Variants in GRID1 observed in about 807,000 individuals in gnomAD.
GRID1 encodes the protein glutamate receptor ionotropic, delta-1.
Under a neutral mutation model 98.0 loss-of-function variants are expected in GRID1, and 28 were observed. The ratio of observed to expected loss-of-function variants is 0.29; its 90% CI spans 0.21 to 0.39. The LOEUF (loss-of-function observed/expected upper bound fraction) is 0.39, where lower values mean the gene tolerates loss of function less well. Ranked by LOEUF, GRID1 falls within the 10% of genes least tolerant of loss-of-function variation. The pLI is 1.00. For missense variants in GRID1, 1,111 were observed against 1,340.5 expected, an observed-to-expected ratio of 0.83 and a Z score of 2.67; for synonymous variants, 553 against 538.5, an observed-to-expected ratio of 1.03 and a Z score of -0.37.
intron 2 of GRID1, among the ~76,000 whole-genome samples, chr10:86,251,809 C>T (rs1846838233): frequency 6.6e-6 from 1 of 152,080 alleles, no homozygotes; most frequent in African/African-American, 2.4e-5. Flanking sequence ...TCTAAAAACA[C>T]TTTTGATGAC....
At chr10:85,824,762 A>G (rs1842804192) in intron 8 of GRID1, among the ~76,000 whole-genome samples, 1 of 152,136 alleles carries the variant, frequency 6.6e-6, no homozygotes. Flanking sequence ...CTTTGCATAC[A>G]CATAGTTTAG....
chr10:86,147,473 G>C (rs974492182), intron 3 of GRID1, among the ~76,000 whole-genome samples: 9 of 152,112 alleles, frequency 5.9e-5, no homozygotes, highest in African/African-American at 2.2e-4. Flanking sequence ...AAACAGCATG[G>C]TGCTGGTACA....
chr10:85,991,789 G>A (rs1307613600), intron 4 of GRID1, among the ~76,000 whole-genome samples: 1 of 152,102 alleles, frequency 6.6e-6, no homozygotes, highest in African/African-American at 2.4e-5. Flanking sequence ...TGTGGCGGGT[G>A]GAAAATCAGA....
intron 4 of GRID1, among the ~76,000 whole-genome samples, chr10:85,917,996 G>A (rs1841645009): frequency 1.3e-5 from 2 of 152,246 alleles, no homozygotes; most frequent in Admixed American, 6.5e-5. Context: ...AAGCCTGGAA[G>A]CACTGATGAA....
intron 4 of GRID1, among the ~76,000 whole-genome samples, chr10:86,111,476 T>C (rs917205941): frequency 6.6e-6 from 1 of 152,204 alleles, no homozygotes; most frequent in Non-Finnish European, 1.5e-5. Flanking sequence ...ACTGAAGTTA[T>C]TTGGGATCCA....
chr10:85,843,605 C>T lies in GRID1; in HGVS notation c.1233+10891G>A, dbSNP rs181777166. On this transcript the variant is annotated intron_variant, in intron 8 of 15. Coordinates refer to ENST00000327946, the MANE Select transcript of GRID1 (RefSeq NM_017551.3). The stretch of plus-strand genomic sequence containing the variant: ...AACTCAACAGTACAATATAAGCAAT[C>T]GTCTTAGAAAAACAGGCAAAAGACT... Among the ~76,000 whole-genome samples the T allele has an allele frequency of 7.2e-5, 11 of 152,010 alleles. No homozygotes were observed. In the East Asian group the frequency reaches 9.7e-4, roughly 13 times the overall value.
chr10:86,138,858 C>T lies in GRID1; in HGVS notation c.687G>A (p.Leu229=). The T allele has an allele frequency of 6.2e-7, 1 of 1,614,232 alleles. No individual in the cohort carries two copies. The highest frequency in any genetic ancestry group is 8.5e-7 in the Non-Finnish European group (1 of 1,180,034). ...AGTGGGCTCCCTGTGGGCTGAGCAG[C>T]AGGATGGCGCGGCGAAGCGTGTCCC... is the stretch of plus-strand genomic sequence containing the variant. ...RYRDTLRRAI[L]LLSPQGAHSF... is the part of the protein sequence containing the mutation. Residue 229 remains leucine (L), a synonymous_variant, in exon 4 of 16, where the codon CTG becomes CTA. Coordinates refer to ENST00000327946, the MANE Select transcript of GRID1 (RefSeq NM_017551.3).
At chr10:85,604,814 C>A (rs1316567022) in intron 15 of GRID1, among the ~76,000 whole-genome samples, 1 of 152,080 alleles carries the variant, frequency 6.6e-6, no homozygotes. Flanking sequence ...ATTTTATAAC[C>A]GTTATACAGT....
At chr10:86,265,151 G>GC (rs1346941673) in intron 2 of GRID1, among the ~76,000 whole-genome samples, 3 of 152,216 alleles carry the variant, frequency 2.0e-5, no homozygotes, top group East Asian at 1.9e-4. Context: ...ACCCTGCCCG[G>GC]CCCCCCATAG....
chr10:86,249,681 T>A (rs1443194809), intron 2 of GRID1, among the ~76,000 whole-genome samples: 5 of 152,170 alleles, frequency 3.3e-5, no homozygotes, highest in Admixed American at 3.3e-4. Flanking sequence ...AGTCCCTTCT[T>A]CCTGAAACTC....
intron 4 of GRID1, among the ~76,000 whole-genome samples, chr10:85,965,201 G>C (rs1229579691): frequency 6.6e-6 from 1 of 152,230 alleles, no homozygotes. Context: ...GTGTAAATTA[G>C]TTCAACCATT....
At chr10:85,884,647 T>C (rs1384751511) in intron 5 of GRID1, among the ~76,000 whole-genome samples, 1 of 152,222 alleles carries the variant, frequency 6.6e-6, no homozygotes, top group Non-Finnish European at 1.5e-5. Flanking sequence ...TACAATCTAA[T>C]AGGTTCCACC....
At chr10:85,683,632 C>T (rs1405858231) in intron 12 of GRID1, among the ~76,000 whole-genome samples, 1 of 152,104 alleles carries the variant, frequency 6.6e-6, no homozygotes, top group African/African-American at 2.4e-5. Context: ...TGCTCACTGG[C>T]CATGAACTGC....
intron 12 of GRID1, among the ~76,000 whole-genome samples, chr10:85,687,655 G>T (rs1432373313): frequency 1.3e-5 from 2 of 151,892 alleles, no homozygotes; most frequent in African/African-American, 4.8e-5. Flanking sequence ...AGAAAAAATA[G>T]TACAATAATT....
intron 8 of GRID1, among the ~76,000 whole-genome samples, chr10:85,817,152 T>C (rs1206856049): frequency 6.6e-6 from 1 of 152,226 alleles, no homozygotes; most frequent in Non-Finnish European, 1.5e-5. Flanking sequence ...TGAATGGTGC[T>C]GCAACAAACA....
chr10:85,713,801 A>G (rs1190403564), intron 12 of GRID1, among the ~76,000 whole-genome samples: 3 of 151,904 alleles, frequency 2.0e-5, no homozygotes, highest in Non-Finnish European at 2.9e-5. Context: ...AAAATTTAAC[A>G]TCTTTCATGA....
intron 8 of GRID1, among the ~76,000 whole-genome samples, chr10:85,747,847 C>A (rs138689144): frequency 1.3e-5 from 2 of 152,164 alleles, no homozygotes; most frequent in African/African-American, 4.8e-5. Context: ...TCTAATTTTA[C>A]CTTTCATAGT....
intron 8 of GRID1, among the ~76,000 whole-genome samples, chr10:85,801,920 G>A (rs186826130): frequency 1.6e-3 from 246 of 152,010 alleles, no homozygotes; most frequent in African/African-American, 5.8e-3. Flanking sequence ...AGCTATAAGA[G>A]ATGAATTTAG....
intron 8 of GRID1, among the ~76,000 whole-genome samples, chr10:85,785,566 G>T (rs777658223): frequency 6.6e-6 from 1 of 152,234 alleles, no homozygotes; most frequent in Non-Finnish European, 1.5e-5. Context: ...ATGACTTCTG[G>T]AGTCTAAGGC....
Sources: gnomAD v4.1 joint callset for allele counts (sites outside exome capture counted in the v4.1 genomes callset) on GRCh38, gnomAD v4.1.1 for gene constraint, MANE v1.5 for transcripts, NCBI Gene and HGNC (gene_info 2026-07-23, HGNC 2026-07-21) for gene names.